The following LDLRAD3 variants were observed in gnomAD, a reference collection of about 807,000 sequenced individuals.
LDLRAD3 encodes the protein low-density lipoprotein receptor class A domain-containing protein 3.
A neutral mutation model predicts 29.4 loss-of-function variants in LDLRAD3; 20 were observed. The observed-to-expected ratio is 0.68, with a 90% CI of 0.48 to 0.99. The LOEUF (loss-of-function observed/expected upper bound fraction) is 0.99, where lower values mean the gene tolerates loss of function less well. Among genes scored for constraint, LDLRAD3 ranks in the 50% least tolerant of loss-of-function variants. The pLI is 0.00. For synonymous variants in LDLRAD3, 157 were observed against 192.7 expected (o/e 0.81, Z 1.53); for missense variants, 420 against 454.3 (o/e 0.92, Z 0.69).
chr11:35,992,117 G>A (rs182602231), intron 1 of LDLRAD3, among the ~76,000 whole-genome samples: 3 of 152,268 alleles, frequency 2.0e-5, no homozygotes, highest in African/African-American at 7.2e-5. Context: ...CAATGAAGAT[G>A]CATATTCCAA....
intron 2 of LDLRAD3, among the ~76,000 whole-genome samples, chr11:36,059,832 T>C (rs1852671409): frequency 6.6e-6 from 1 of 152,144 alleles, no homozygotes; most frequent in Non-Finnish European, 1.5e-5. Flanking sequence ...GAGTGAGACC[T>C]CCCCTGCCTT....
At chr11:36,187,227 GA>G (rs753788597) in intron 4 of LDLRAD3, among the ~76,000 whole-genome samples, 9 of 152,048 alleles carry the variant, frequency 5.9e-5, no homozygotes, top group Non-Finnish European at 1.3e-4. Flanking sequence ...CATATTATGA[GA>G]AAGAGCAAAC....
intron 4 of LDLRAD3, among the ~76,000 whole-genome samples, chr11:36,101,392 G>A (rs1274498040): frequency 2.6e-5 from 4 of 152,184 alleles, no homozygotes; most frequent in African/African-American, 9.7e-5. Flanking sequence ...TTGGTAGAGT[G>A]TTGTTATTAA....
chr11:36,106,492 G>A (rs1853530588), intron 4 of LDLRAD3, among the ~76,000 whole-genome samples: 1 of 152,190 alleles, frequency 6.6e-6, no homozygotes, highest in Non-Finnish European at 1.5e-5. Context: ...TAGGGACAGT[G>A]ACTGCTTCTT....
intron 2 of LDLRAD3, among the ~76,000 whole-genome samples, chr11:36,042,341 G>T (rs894508669): frequency 6.6e-6 from 1 of 152,134 alleles, no homozygotes; most frequent in Non-Finnish European, 1.5e-5. Flanking sequence ...CCTAATGCCG[G>T]CTCCACACAC....
In LDLRAD3 at chr11:36,073,570, C is replaced by G. The variant is rs543247762; in HGVS notation, c.194-8083C>G. 3.9e-5 allele frequency among the ~76,000 whole-genome samples: 6 copies of G among 152,382 alleles called. No homozygotes were observed. The East Asian group carries it at 9.6e-4, about 24-fold the overall frequency. On this transcript the variant is annotated intron_variant, in intron 2 of 5. Transcript: ENST00000315571. ...CATGCAGGCAGGGAGCAGCTGACAG[C>G]TGTTGTCTGGGATAGGCTTCTCTCT...
chr11:36,104,952 A>G (rs927410352), intron 4 of LDLRAD3, among the ~76,000 whole-genome samples: 2 of 152,146 alleles, frequency 1.3e-5, no homozygotes, highest in Admixed American at 6.5e-5. Flanking sequence ...TTGTACTCCA[A>G]AAGTTTTCCT....
intron 1 of LDLRAD3, among the ~76,000 whole-genome samples, chr11:36,030,221 A>C (rs1035872381): frequency 1.3e-5 from 2 of 152,214 alleles, no homozygotes; most frequent in Non-Finnish European, 2.9e-5. Context: ...TCTTGGTGAC[A>C]GCTAGAGTGC....
chr11:35,972,107 A>G (rs10430960), intron 1 of LDLRAD3, among the ~76,000 whole-genome samples: 15,904 of 152,152 alleles, frequency 0.1, 1,070 homozygotes, highest in Non-Finnish European at 0.16. Flanking sequence ...TGGCATCTAG[A>G]TGACCACTCA....
At chr11:36,091,370 C>G (rs766228647) in intron 3 of LDLRAD3, among the ~76,000 whole-genome samples, 61 of 152,186 alleles carry the variant, frequency 4.0e-4, no homozygotes, top group Non-Finnish European at 7.3e-5. Flanking sequence ...TGTCTTGAAG[C>G]AGGTCAGTTG....
At chr11:36,147,858 G>T (rs1854221083) in intron 4 of LDLRAD3, among the ~76,000 whole-genome samples, 1 of 151,940 alleles carries the variant, frequency 6.6e-6, no homozygotes, top group African/African-American at 2.4e-5. Context: ...TTTTCCATTA[G>T]TTGTTTTTTA....
At chr11:36,148,022 C>G (rs965714789) in intron 4 of LDLRAD3, among the ~76,000 whole-genome samples, 14 of 152,228 alleles carry the variant, frequency 9.2e-5, no homozygotes, top group Middle Eastern at 3.4e-3. Flanking sequence ...AGGCACCCAC[C>G]ACCAGCCTCG....
chr11:36,078,498 C>G (rs879943103), intron 2 of LDLRAD3, among the ~76,000 whole-genome samples: 1 of 152,338 alleles, frequency 6.6e-6, no homozygotes, highest in East Asian at 1.9e-4. Context: ...TGCAATAGTT[C>G]CCAGGCTCAT....
rs114577178 is a variant in LDLRAD3, at chr11:36,118,601, T to C, written c.454+20140T>C. Among the ~76,000 whole-genome samples, 932 of 152,148 alleles carry C rather than the reference T, an allele frequency of 6.1e-3. 7 individuals carry two copies. The highest frequency in any genetic ancestry group is 0.021 in the African/African-American group (885 of 41,516). On this transcript the variant is annotated intron_variant, in intron 4 of 5. Coordinates refer to ENST00000315571, the MANE Select transcript of LDLRAD3 (RefSeq NM_174902.4). ...AAGCCCTAAACTGAACTGGATTCAATTTGGGGGTCCTGAGCACCACTACAG... is the reference window on the plus strand; with the variant it reads ...AAGCCCTAAACTGAACTGGATTCAACTTGGGGGTCCTGAGCACCACTACAG...
intron 4 of LDLRAD3, among the ~76,000 whole-genome samples, chr11:36,155,532 G>A (rs977761993): frequency 6.6e-6 from 1 of 152,176 alleles, no homozygotes; most frequent in Non-Finnish European, 1.5e-5. Flanking sequence ...TCAGACTTGT[G>A]TTATTTCCCA....
chr11:36,156,919 T>C (rs1227376658), intron 4 of LDLRAD3, among the ~76,000 whole-genome samples: 1 of 152,224 alleles, frequency 6.6e-6, no homozygotes, highest in African/African-American at 2.4e-5. Flanking sequence ...TCGGATCTGG[T>C]TGAAAAGCTG....
At chr11:36,122,613 G>A (rs983223885) in intron 4 of LDLRAD3, among the ~76,000 whole-genome samples, 3 of 152,088 alleles carry the variant, frequency 2.0e-5, no homozygotes, top group African/African-American at 7.2e-5. Flanking sequence ...TAGGTGCTGG[G>A]AAACCAAAAG....
intron 2 of LDLRAD3, among the ~76,000 whole-genome samples, chr11:36,050,352 G>A (rs1852510086): frequency 6.6e-6 from 1 of 152,206 alleles, no homozygotes; most frequent in South Asian, 2.1e-4. Flanking sequence ...CCTGGGCAGT[G>A]CCTGCTTTTT....
chr11:36,188,175 C>T (rs2133363140), intron 4 of LDLRAD3, among the ~76,000 whole-genome samples: 1 of 151,950 alleles, frequency 6.6e-6, no homozygotes, highest in Middle Eastern at 3.4e-3. Flanking sequence ...CGCAGAATTC[C>T]ATTAGTATCA....
Sources: gnomAD v4.1 joint callset for allele counts (sites outside exome capture counted in the v4.1 genomes callset) on GRCh38, gnomAD v4.1.1 for gene constraint, MANE v1.5 for transcripts, NCBI Gene and HGNC (gene_info 2026-07-23, HGNC 2026-07-21) for gene names.